GLI2: variants seen among roughly 807,000 people sequenced by gnomAD.
GLI2 encodes the protein transcription activator GLI2.
Under a neutral mutation model 78.9 loss-of-function variants are expected in GLI2, and 22 were observed. The observed-to-expected ratio is 0.28, with a 90% CI of 0.20 to 0.40. GLI2 has a LOEUF of 0.40. GLI2 is among the 10% of genes least tolerant of loss of function. GLI2 has a pLI of 1.00. For missense variants in GLI2, 2,097 were observed against 2,213.2 expected, an observed-to-expected ratio of 0.95 and a Z score of 1.05; for synonymous variants, 974 against 963.7, an observed-to-expected ratio of 1.01 and a Z score of -0.20.
intron 1 of GLI2, among the ~76,000 whole-genome samples, chr2:120,739,256 C>A (rs1682456540): frequency 6.6e-6 from 1 of 152,138 alleles, no homozygotes; most frequent in African/African-American, 2.4e-5. Flanking sequence ...CTAATAAACA[C>A]CCTTCTTCCA....
At position 120,986,367 on chromosome 2, in the gene GLI2, G is replaced by T; in HGVS notation, c.1995G>T (p.Glu665Asp). ...CCCCCAACAATGACAGTGGCGTGGA[G>T]ATGCCGGGGACGGGGCCCGGGAGCC... ...GSAPNNDSGV[E>D]MPGTGPGSLG... The change falls in exon 13 of 14, where the codon GAG becomes GAT. Residue 665 changes from glutamate (E) to aspartate (D), a missense_variant. Glu to Asp is a conservative substitution (Grantham distance 45). Transcript: ENST00000361492. 6.2e-7 allele frequency: 1 copy of T among 1,613,656 alleles called. No individual in the cohort carries two copies. The highest frequency in any genetic ancestry group is 2.2e-5 in the East Asian group (1 of 44,874).
At chr2:120,810,679 G>A (rs1043616421) in intron 2 of GLI2, among the ~76,000 whole-genome samples, 6 of 152,188 alleles carry the variant, frequency 3.9e-5, no homozygotes, top group South Asian at 4.1e-4. Context: ...AGATCTTCTC[G>A]ATAGAAACTG....
At chr2:120,968,656 G>A (rs1681976264) in intron 5 of GLI2, 58 bp from the exon 6 acceptor site, 2 of 1,146,048 alleles carry the variant, frequency 1.7e-6, no homozygotes, top group Admixed American at 3.4e-5. Context: ...CCACCCACAT[G>A]TCACCCCCTC....
At chr2:120,965,093 G>C (rs563540724) in intron 5 of GLI2, among the ~76,000 whole-genome samples, 193 of 152,378 alleles carry the variant, frequency 1.3e-3, no homozygotes, top group Admixed American at 3.1e-3. Context: ...TCAGAAGCAG[G>C]CATTTATCCA....
chr2:120,770,374 T>C (rs1683488817), intron 1 of GLI2, among the ~76,000 whole-genome samples: 1 of 152,116 alleles, frequency 6.6e-6, no homozygotes, highest in South Asian at 2.1e-4. Context: ...TCAGGACCCA[T>C]AGGGGTTTAG....
At chr2:120,984,779 A>C (rs1161122309) in intron 12 of GLI2, 36 bp downstream of exon 12, 1 of 1,606,652 alleles carries the variant, frequency 6.2e-7, no homozygotes, top group Admixed American at 1.7e-5. Context: ...ACGCAAGGCG[A>C]CTCCATAGCC....
intron 2 of GLI2, among the ~76,000 whole-genome samples, chr2:120,838,106 C>T (rs1478748281): frequency 6.6e-6 from 1 of 152,132 alleles, no homozygotes; most frequent in Non-Finnish European, 1.5e-5. Flanking sequence ...GTTTTCCCGC[C>T]CATGATCACG....
chr2:120,946,820 G>A (rs1680730655), intron 3 of GLI2, among the ~76,000 whole-genome samples: 1 of 152,262 alleles, frequency 6.6e-6, no homozygotes, highest in Non-Finnish European at 1.5e-5. Context: ...CCTGCTGTGT[G>A]GTTTGGCAAT....
intron 2 of GLI2, among the ~76,000 whole-genome samples, chr2:120,857,233 C>T (rs954712077): frequency 2.0e-5 from 3 of 152,054 alleles, no homozygotes; most frequent in African/African-American, 7.3e-5. Context: ...AGGGTAGTGA[C>T]AGAGAGATGA....
chr2:120,822,506 G>C (rs1573432952), intron 2 of GLI2, among the ~76,000 whole-genome samples: 1 of 152,170 alleles, frequency 6.6e-6, no homozygotes, highest in East Asian at 1.9e-4. Flanking sequence ...CCACCCCTTT[G>C]CATGTGGCTG....
intron 2 of GLI2, among the ~76,000 whole-genome samples, chr2:120,894,913 T>C (rs1281381763): frequency 6.6e-6 from 1 of 152,180 alleles, no homozygotes; most frequent in Non-Finnish European, 1.5e-5. Context: ...TGACCAGGCT[T>C]GTCTTGAACT....
chr2:120,805,114 C>A (rs1258542564), intron 2 of GLI2, among the ~76,000 whole-genome samples: 1 of 152,238 alleles, frequency 6.6e-6, no homozygotes, highest in Non-Finnish European at 1.5e-5. Flanking sequence ...GAGCATTCCT[C>A]TGGCCTGTCC....
intron 2 of GLI2, 74 bp downstream of exon 2, chr2:120,797,542 G>C (rs1329376805): frequency 1.4e-5 from 20 of 1,424,546 alleles, no homozygotes; most frequent in Non-Finnish European, 2.0e-5. Flanking sequence ...AATTAGAGTG[G>C]TGGCCCATGT....
chr2:120,855,651 CTT>C (rs546118936), intron 2 of GLI2, among the ~76,000 whole-genome samples: 106 of 152,350 alleles, frequency 7.0e-4, no homozygotes, highest in African/African-American at 1.9e-3. Context: ...TGCGAGCTCA[CTT>C]TTCTTAGGGT....
rs552203561 is a variant in GLI2, at chr2:120,820,370, C to T, written c.148+22902C>T. ...TGTGCACTTTCATCCAGCTGGACGC[C>T]GGAGTTCCCTGGAAGCCGAGAGGGT... On this transcript the variant is annotated intron_variant, in intron 2 of 13. Transcript: ENST00000361492. Among the ~76,000 whole-genome samples the T allele has an allele frequency of 5.9e-5, 9 of 152,308 alleles. No homozygotes were observed. The South Asian group carries it at 6.2e-4, about 11-fold the overall frequency.
At chr2:120,796,347 G>A (rs1684393033) in intron 1 of GLI2, among the ~76,000 whole-genome samples, 1 of 152,114 alleles carries the variant, frequency 6.6e-6, no homozygotes, top group Non-Finnish European at 1.5e-5. Flanking sequence ...CTGGGTCACT[G>A]CAGTAGCCTC....
Position 120,990,640 on chromosome 2 carries a change from G to A in GLI2, c.4675G>A (p.Ala1559Thr), listed in dbSNP as rs367918973. Reference sequence around the variant, plus strand: ...CATGAGCTCCATGCTCACCAGCCTCGCCGAGGAGAGCAAGTTCCTGAACAT... The same window carrying A: ...CATGAGCTCCATGCTCACCAGCCTCACCGAGGAGAGCAAGTTCCTGAACAT... ...GDMSSMLTSLAEESKFLNMMT is the reference protein window; with the variant it reads ...GDMSSMLTSLTEESKFLNMMT The change falls in exon 14 of 14, where the codon GCC (alanine) becomes ACC (threonine). Residue 1559 changes from alanine (A) to threonine (T), a missense_variant. Transcript: ENST00000361492. 1.2e-6 allele frequency: 2 copies of A among 1,612,886 alleles called. No homozygotes were observed. The highest frequency in any genetic ancestry group is 1.7e-6 in the Non-Finnish European group (2 of 1,179,548).
intron 3 of GLI2, among the ~76,000 whole-genome samples, chr2:120,935,552 C>T (rs1000783560): frequency 8.5e-5 from 13 of 152,162 alleles, no homozygotes; most frequent in Non-Finnish European, 1.5e-4. Flanking sequence ...GCCCAGCCGC[C>T]GGCTTATGTC....
chr2:120,808,619 G>A (rs1475784056), intron 2 of GLI2, among the ~76,000 whole-genome samples: 4 of 152,200 alleles, frequency 2.6e-5, no homozygotes, highest in Non-Finnish European at 2.9e-5. Flanking sequence ...AGGTTTCCAC[G>A]CTGGAGTCAA....
Sources: allele counts gnomAD v4.1 joint callset (sites outside exome capture counted in the v4.1 genomes callset), GRCh38; gene constraint gnomAD v4.1.1; transcripts MANE v1.5; gene names NCBI Gene and HGNC (gene_info 2026-07-23, HGNC 2026-07-21).